The following RBFOX1 variants were observed in gnomAD, a reference collection of about 807,000 sequenced individuals.
RBFOX1 encodes RNA binding protein fox-1 homolog 1.
Under a neutral mutation model 57.7 loss-of-function variants are expected in RBFOX1, and 8 were observed. The observed-to-expected ratio is 0.14, with a 90% CI of 0.08 to 0.25. The LOEUF (loss-of-function observed/expected upper bound fraction) is 0.25, where lower values mean the gene tolerates loss of function less well. Among genes scored for constraint, RBFOX1 ranks in the 10% least tolerant of loss-of-function variants. The pLI is 1.00. For missense variants in RBFOX1, 611 were observed against 548.5 expected, an observed-to-expected ratio of 1.11 and a Z score of -1.14; for synonymous variants, 326 against 222.4, an observed-to-expected ratio of 1.47 and a Z score of -4.15.
intron 3 of RBFOX1, among the ~76,000 whole-genome samples, chr16:5,641,914 A>C (rs2048887655): frequency 6.6e-6 from 1 of 152,316 alleles, no homozygotes; most frequent in East Asian, 1.9e-4. Context: ...GCTATGATGC[A>C]TATGTCACTT....
intron 2 of RBFOX1, among the ~76,000 whole-genome samples, chr16:6,560,438 G>C (rs2097165796): frequency 1.3e-5 from 2 of 152,160 alleles, no homozygotes; most frequent in South Asian, 4.1e-4. Flanking sequence ...CAGCTGCATG[G>C]ATTTGGAAGA....
intron 4 of RBFOX1, among the ~76,000 whole-genome samples, chr16:7,320,028 A>G (rs536305827): frequency 4.6e-5 from 7 of 152,304 alleles, no homozygotes; most frequent in Admixed American, 2.0e-4. Flanking sequence ...GTGTACGTGT[A>G]TGTATGCATT....
chr16:6,859,277 A>C (rs1646803087), intron 3 of RBFOX1, among the ~76,000 whole-genome samples: 1 of 149,634 alleles, frequency 6.7e-6, no homozygotes, highest in African/African-American at 2.5e-5. Context: ...ACTCCTCTTG[A>C]ATATTATTTG....
intron 3 of RBFOX1, among the ~76,000 whole-genome samples, chr16:5,629,763 G>T (rs1412252004): frequency 6.6e-6 from 1 of 152,216 alleles, no homozygotes; most frequent in African/African-American, 2.4e-5. Context: ...CGTCAGTGGT[G>T]AGTGCTTTCT....
In RBFOX1 at chr16:7,155,742, C is replaced by T. The variant is rs566392757; in HGVS notation, c.27+103644C>T. ...ATATATATATATATATATATATACA[C>T]ACACACACACACACACACACACATA... is the stretch of plus-strand genomic sequence containing the variant. On this transcript the variant is annotated intron_variant, in intron 4 of 15. Coordinates refer to ENST00000550418, the MANE Select transcript of RBFOX1 (RefSeq NM_018723.4). 3.9e-3 allele frequency among the ~76,000 whole-genome samples: 407 copies of T among 103,868 alleles called. 5 individuals carry two copies. The highest frequency in any genetic ancestry group is 0.018 in the African/African-American group (387 of 21,992). 68.1% of individuals were successfully genotyped at this position (103,868 alleles called of 152,430 possible). A position where few individuals can be genotyped will look rare whatever the true frequency, so the allele number is the denominator to read the frequency against.
chr16:6,011,164 G>T (rs985305852), intron 4 of RBFOX1, among the ~76,000 whole-genome samples: 9 of 152,072 alleles, frequency 5.9e-5, no homozygotes, highest in African/African-American at 2.2e-4. Context: ...GAACATTTTC[G>T]CCCCTGAGGT....
At chr16:7,077,929 C>G (rs781463539) in intron 4 of RBFOX1, among the ~76,000 whole-genome samples, 3 of 152,132 alleles carry the variant, frequency 2.0e-5, no homozygotes, top group Non-Finnish European at 2.9e-5. Context: ...AATGTTTGCT[C>G]AACTCATTAG....
intron 4 of RBFOX1, among the ~76,000 whole-genome samples, chr16:5,877,417 A>C (rs570320825): frequency 6.6e-6 from 1 of 152,360 alleles, no homozygotes; most frequent in Admixed American, 6.5e-5. Flanking sequence ...AGTGGGTTCA[A>C]GGGGGAGAGT....
chr16:5,429,228 G>C (rs72761008), intron 1 of RBFOX1, among the ~76,000 whole-genome samples: 3,072 of 152,270 alleles, frequency 0.02, 58 homozygotes, highest in Admixed American at 0.024. Flanking sequence ...GCTTAAGCCA[G>C]TGACTCGGAG....
intron 2 of RBFOX1, among the ~76,000 whole-genome samples, chr16:6,512,867 A>T (rs927003258): frequency 6.6e-6 from 1 of 152,182 alleles, no homozygotes; most frequent in Non-Finnish European, 1.5e-5. Context: ...AGGGGAGTCA[A>T]CTGACTTTAT....
chr16:7,238,841 G>A (rs1281714714), intron 4 of RBFOX1, among the ~76,000 whole-genome samples: 1 of 152,086 alleles, frequency 6.6e-6, no homozygotes, highest in African/African-American at 2.4e-5. Flanking sequence ...CCCTCTATGT[G>A]TCCACGTGTT....
At chr16:7,364,575 C>CAAAAAAAAAAAAA (rs1183081362) in intron 4 of RBFOX1, among the ~76,000 whole-genome samples, 3 of 52,442 alleles carry the variant, frequency 5.7e-5, no homozygotes, top group Non-Finnish European at 8.2e-5. Flanking sequence ...TCAAGAAGAC[C>CAAAAAAAAAAAAA]AAAAAAAAAA....
intron 4 of RBFOX1, among the ~76,000 whole-genome samples, chr16:7,207,274 G>C (rs2090186906): frequency 6.6e-6 from 1 of 152,062 alleles, no homozygotes; most frequent in Non-Finnish European, 1.5e-5. Flanking sequence ...TCACGTTCCG[G>C]CCCTTCATTC....
intron 3 of RBFOX1, among the ~76,000 whole-genome samples, chr16:7,009,456 C>A (rs1320835761): frequency 2.0e-5 from 3 of 151,824 alleles, no homozygotes; most frequent in East Asian, 2.0e-4. Context: ...TAACACACGG[C>A]CATAGGAATA....
At chr16:5,712,493 A>G (rs1410676860) in intron 3 of RBFOX1, among the ~76,000 whole-genome samples, 1 of 152,180 alleles carries the variant, frequency 6.6e-6, no homozygotes, top group African/African-American at 2.4e-5. Context: ...TTCTTATCTC[A>G]AGAGCAGAGG....
chr16:6,126,462 T>C (rs962575349), intron 1 of RBFOX1, among the ~76,000 whole-genome samples: 14 of 152,158 alleles, frequency 9.2e-5, no homozygotes, highest in African/African-American at 2.9e-4. Context: ...ATACTTCCAG[T>C]GTCCCATTTT....
chr16:5,454,849 CTT>C (rs374530966), intron 1 of RBFOX1, among the ~76,000 whole-genome samples: 9 of 104,304 alleles, frequency 8.6e-5, no homozygotes, highest in Middle Eastern at 4.5e-3. Flanking sequence ...TCCTTTCTTT[CTT>C]TCTTTTCTTT....
chr16:5,245,439 C>A (rs200005768), intron 1 of RBFOX1, among the ~76,000 whole-genome samples: 6 of 151,644 alleles, frequency 4.0e-5, no homozygotes, highest in South Asian at 2.1e-4. Flanking sequence ...TCCCAGGTAG[C>A]CAGTGGTTGA....
At chr16:7,560,808 G>A (rs1567831987) in intron 5 of RBFOX1, among the ~76,000 whole-genome samples, 1 of 152,198 alleles carries the variant, frequency 6.6e-6, no homozygotes, top group Non-Finnish European at 1.5e-5. Context: ...TTCATTTTAA[G>A]AGTTTGGACT....
Sources: allele counts gnomAD v4.1 joint callset (sites outside exome capture counted in the v4.1 genomes callset), GRCh38; gene constraint gnomAD v4.1.1; transcripts MANE v1.5; gene names NCBI Gene and HGNC (gene_info 2026-07-23, HGNC 2026-07-21).